Variants in BACH2 observed in about 807,000 individuals in gnomAD.
BACH2 encodes transcription regulator protein BACH2.
A neutral mutation model predicts 61.8 loss-of-function variants in BACH2; 5 were observed. The ratio of observed to expected loss-of-function variants is 0.08; its 90% CI spans 0.04 to 0.17. The LOEUF (loss-of-function observed/expected upper bound fraction) is 0.17, where lower values mean the gene tolerates loss of function less well. Among genes scored for constraint, BACH2 ranks in the 10% least tolerant of loss-of-function variants. The pLI is 1.00. For missense variants in BACH2, 824 were observed against 1,091.1 expected (o/e 0.76, Z 3.45); for synonymous variants, 446 against 440.1 (o/e 1.01, Z -0.17).
At chr6:90,012,175 T>C (rs1777761461) in intron 5 of BACH2, among the ~76,000 whole-genome samples, 1 of 152,126 alleles carries the variant, frequency 6.6e-6, no homozygotes, top group South Asian at 2.1e-4. Flanking sequence ...TGCATTTCCA[T>C]ATACATTTTA....
chr6:90,200,197 T>C (rs1768911170), intron 4 of BACH2, among the ~76,000 whole-genome samples: 1 of 152,178 alleles, frequency 6.6e-6, no homozygotes. Flanking sequence ...CTTAGTATTA[T>C]TATAAAAATG....
intron 5 of BACH2, among the ~76,000 whole-genome samples, chr6:90,015,085 A>T (rs1777987577): frequency 6.6e-6 from 1 of 152,090 alleles, no homozygotes; most frequent in African/African-American, 2.4e-5. Flanking sequence ...CCCAGCCCAT[A>T]TATAGTTTTT....
intron 4 of BACH2, among the ~76,000 whole-genome samples, chr6:90,113,969 G>C (rs1249275554): frequency 6.6e-6 from 1 of 152,098 alleles, no homozygotes; most frequent in Non-Finnish European, 1.5e-5. Flanking sequence ...ACTGAGTCAG[G>C]AAGAAATTGA....
At chr6:90,224,131 A>C (rs940001361) in intron 3 of BACH2, among the ~76,000 whole-genome samples, 1 of 152,222 alleles carries the variant, frequency 6.6e-6, no homozygotes, top group African/African-American at 2.4e-5. Flanking sequence ...ATAATCTCAT[A>C]ATATGCCTCA....
In BACH2 at chr6:89,950,824, G is replaced by A. The variant is rs1347509575; in HGVS notation, c.1282C>T (p.Arg428Trp). Reference sequence around the variant, plus strand: ...CTGGAGGAGAAGATCACGCTCCTCCGGTCCAGCTCTCCCTCCTGTTTACAG... The same window carrying A: ...CTGGAGGAGAAGATCACGCTCCTCCAGTCCAGCTCTCCCTCCTGTTTACAG... ...ALCKQEGELD[R>W]RSVIFSSSAC... Residue 428 changes from arginine (R) to tryptophan (W), a missense_variant, in exon 7 of 9, where the codon CGG (arginine) becomes TGG (tryptophan). This residue lies in a region of BACH2 where 9 missense variants were observed against 27.6 expected (regional missense o/e 0.33). Coordinates refer to ENST00000257749, the MANE Select transcript of BACH2 (RefSeq NM_021813.4). This position sits in a 1 kb window ranked among gnomAD's most constrained non-coding sequence, Gnocchi z 5.3. 8.1e-6 allele frequency: 13 copies of A among 1,614,038 alleles called. No homozygotes were observed. The highest frequency in any genetic ancestry group is 1.0e-5 in the Non-Finnish European group (12 of 1,180,002).
intron 4 of BACH2, among the ~76,000 whole-genome samples, chr6:90,120,606 G>A (rs1168290718): frequency 2.0e-5 from 3 of 152,144 alleles, no homozygotes; most frequent in Non-Finnish European, 4.4e-5. Context: ...TGGCAGAACC[G>A]TTCAAATCAT....
chr6:89,963,281 T>C (rs560183132), intron 6 of BACH2, among the ~76,000 whole-genome samples: 212 of 152,276 alleles, frequency 1.4e-3, no homozygotes, highest in Non-Finnish European at 2.4e-3. Flanking sequence ...TGCACTGTTT[T>C]ATTTTTTATT....
intron 3 of BACH2, among the ~76,000 whole-genome samples, chr6:90,230,303 C>T (rs756398809): frequency 2.6e-5 from 4 of 152,166 alleles, no homozygotes; most frequent in Admixed American, 6.5e-5. Flanking sequence ...GATTATTGTA[C>T]GGATTTGGCA....
chr6:89,963,775 T>C (rs1051654368), intron 6 of BACH2, among the ~76,000 whole-genome samples: 9 of 152,240 alleles, frequency 5.9e-5, no homozygotes, highest in Non-Finnish European at 1.5e-5. Flanking sequence ...CACAGCAGCA[T>C]TATTCACAAT....
At chr6:90,110,927 G>A (rs569996174) in intron 4 of BACH2, among the ~76,000 whole-genome samples, 2 of 152,266 alleles carry the variant, frequency 1.3e-5, no homozygotes, top group East Asian at 3.9e-4. Flanking sequence ...CTCAAGAGTT[G>A]AGATTTAATA....
intron 5 of BACH2, among the ~76,000 whole-genome samples, chr6:90,017,171 C>A (rs145046427): frequency 6.6e-6 from 1 of 152,038 alleles, no homozygotes. Flanking sequence ...TTTGTCCCGT[C>A]GCTCACAAAT....
chr6:90,059,524 G>A (rs1780565785), intron 5 of BACH2, among the ~76,000 whole-genome samples: 1 of 152,174 alleles, frequency 6.6e-6, no homozygotes, highest in African/African-American at 2.4e-5. Context: ...TACACTGTTG[G>A]TAGGACTGTA....
At chr6:90,178,000 CT>C (rs1018010361) in intron 4 of BACH2, among the ~76,000 whole-genome samples, 11 of 152,198 alleles carry the variant, frequency 7.2e-5, no homozygotes, top group Non-Finnish European at 7.3e-5. Context: ...GGTACCCGGA[CT>C]TTCCCTGTTC....
chr6:90,136,403 T>C (rs1784273348), intron 4 of BACH2, among the ~76,000 whole-genome samples: 1 of 152,212 alleles, frequency 6.6e-6, no homozygotes, highest in South Asian at 2.1e-4. Flanking sequence ...CTCTGACAAA[T>C]CATTTAAGTT....
intron 1 of BACH2, among the ~76,000 whole-genome samples, chr6:90,272,889 C>T (rs188868759): frequency 6.6e-6 from 1 of 152,300 alleles, no homozygotes; most frequent in East Asian, 1.9e-4. Context: ...TTTTCATCTT[C>T]CTCTCGCTAT....
intron 4 of BACH2, among the ~76,000 whole-genome samples, chr6:90,149,473 G>A (rs1370409259): frequency 1.3e-5 from 2 of 152,146 alleles, no homozygotes; most frequent in Admixed American, 6.5e-5. Context: ...GATCTCCTGA[G>A]AGAAATATCT....
At chr6:90,040,541 C>T (rs1349567510) in intron 5 of BACH2, among the ~76,000 whole-genome samples, 1 of 151,062 alleles carries the variant, frequency 6.6e-6, no homozygotes, top group Non-Finnish European at 1.5e-5. Context: ...TTTACATGAA[C>T]TTCAGCATCA....
chr6:90,057,485 C>T (rs1465374060), intron 5 of BACH2, among the ~76,000 whole-genome samples: 1 of 152,156 alleles, frequency 6.6e-6, no homozygotes. Context: ...TAATCAATAG[C>T]TTACGAACCA....
Position 89,932,223 on chromosome 6 carries a change from G to A in BACH2, c.*185C>T, listed in dbSNP as rs1164836365. 1 of 787,992 alleles carries A rather than the reference G, an allele frequency of 1.3e-6. No individual in the cohort carries two copies. The highest frequency in any genetic ancestry group is 2.0e-6 in the Non-Finnish European group (1 of 493,160). 48.8% of individuals were successfully genotyped at this position (787,992 alleles called of 1,614,324 possible). On this transcript the variant is annotated 3_prime_UTR_variant, in exon 9 of 9. Transcript: ENST00000257749. ...GGGCAAGGGGTAGCACCATTGTGAA[G>A]GTAACTATCACTCCTGCTCGAGAAG...
Sources: gnomAD v4.1 joint callset for allele counts (sites outside exome capture counted in the v4.1 genomes callset) on GRCh38, gnomAD v4.1.1 for gene constraint, gnomAD v4.1.1 regional missense constraint, Gnocchi (gnomAD v3.1) non-coding constraint, MANE v1.5 for transcripts, NCBI Gene and HGNC (gene_info 2026-07-23, HGNC 2026-07-21) for gene names.